The following AHNAK2 variants were observed in gnomAD, a reference collection of about 807,000 sequenced individuals.
AHNAK2 encodes the protein AHNAK nucleoprotein 2, also known as protein AHNAK2.
In AHNAK2, 18 loss-of-function variants were observed where a neutral mutation model predicts 30.7. The observed-to-expected ratio is 0.59, with a 90% CI of 0.41 to 0.87. AHNAK2 has a LOEUF of 0.87. Ranked by LOEUF, AHNAK2 falls within the 40% of genes least tolerant of loss-of-function variation. The pLI is 0.00. For synonymous variants in AHNAK2, 3,590 were observed against 3,073.8 expected (o/e 1.17, Z -5.56); for missense variants, 8,604 against 7,373.0 (o/e 1.17, Z -6.11).
chr14:104,957,415 G>A lies in AHNAK2; in HGVS notation c.208C>T (p.Leu70Phe), dbSNP rs45443208. The change falls in exon 3 of 7, where the codon CTC (leucine) becomes TTC (phenylalanine). Residue 70 changes from leucine to phenylalanine, a missense_variant. Leu to Phe is a conservative substitution (Grantham distance 22). Coordinates refer to ENST00000333244, the MANE Select transcript of AHNAK2 (RefSeq NM_138420.4). ...EYTTEAADFGLQEDAPGRQGS... is the reference protein window; with the variant it reads ...EYTTEAADFGFQEDAPGRQGS... ...GCTCTGCCCAGCAGGCTCACCTGGA[G>A]TCCAAAGTCGGCAGCCTCAGTCGTG... is the stretch of plus-strand genomic sequence containing the variant. 5 of 1,585,736 alleles carry A rather than the reference G, an allele frequency of 3.2e-6. No homozygotes were observed. The highest frequency in any genetic ancestry group is 4.3e-6 in the Non-Finnish European group (5 of 1,159,820).
In AHNAK2 at chr14:104,940,672, C is replaced by T; in HGVS notation, c.14779G>A (p.Ala4927Thr). ...CVSQGPEELV[A>T]SLQTSVVAPG... ...GCCACTACTGATGTCTGCAAGGAGG[C>T]CACAAGCTCTTCTGGGCCCTGAGAC... Residue 4927 changes from alanine (A) to threonine (T), a missense_variant, in exon 7 of 7, where the codon GCC (alanine) becomes ACC (threonine). Transcript: ENST00000333244. The surrounding 1 kb of genome is among the most constrained non-coding windows in gnomAD (Gnocchi z 4.4). 1.9e-6 allele frequency: 3 copies of T among 1,613,376 alleles called. No homozygotes were observed. In the South Asian group the frequency reaches 3.3e-5, roughly 18 times the overall value.
Position 104,946,700 on chromosome 14 carries a change from G to T in AHNAK2, c.8751C>A (p.Asp2917Glu). The change falls in exon 7 of 7, where the codon GAC (aspartate) becomes GAA (glutamate). Residue 2917 changes from aspartate (D) to glutamate (E), a missense_variant. Transcript: ENST00000333244. ...TCAGGTCCAGCTTGGGGCCCTTGAC[G>T]TCTATCTGGGGGCCCTTGAGATCCA... Reference protein sequence around the residue: ...PKVDLKGPQIDVKGPKLDLKG... With the variant: ...PKVDLKGPQIEVKGPKLDLKG... The T allele has an allele frequency of 1.2e-6, 2 of 1,609,044 alleles. No individual in the cohort carries two copies. Among genetic ancestry groups the T allele is most frequent in the South Asian group, 1.1e-5 (1 of 90,778 alleles).
Position 104,947,756 on chromosome 14 carries a change from G to T in AHNAK2, c.7695C>A (p.His2565Gln). The change falls in exon 7 of 7, where the codon CAC becomes CAA. Residue 2565 changes from histidine to glutamine, a missense_variant. Physicochemically the swap from His to Gln is conservative, Grantham distance 24. Transcript: ENST00000333244. ...AACTGGGCATCTGCACCTTGGGCAG[G>T]TGCCCTTTGAGGCCGGCTCCCTCCG... Reference protein sequence around the residue: ...PVPEGAGLKGHLPKVQMPSFK... With the variant: ...PVPEGAGLKGQLPKVQMPSFK... 1 of 1,612,792 alleles carries T rather than the reference G, an allele frequency of 6.2e-7. No homozygotes were observed. Among genetic ancestry groups the T allele is most frequent in the South Asian group, 1.1e-5 (1 of 91,046 alleles).
chr14:104,959,082 C>A (rs1014386725), intron 1 of AHNAK2, among the ~76,000 whole-genome samples: 40 of 152,216 alleles, frequency 2.6e-4, no homozygotes, highest in Admixed American at 3.9e-4. Context: ...TGCCTGTAAT[C>A]CCAGCACTTT....
chr14:104,941,582 C>G lies in AHNAK2; in HGVS notation c.13869G>C (p.Gly4623=). The change falls in exon 7 of 7, where the codon GGG becomes GGC. Residue 4623 remains glycine, a synonymous_variant. Transcript: ENST00000333244. ...TTGGTCCTTGAAACTTACTGTCTTT[C>G]CCAGCTACATCCTCGTGGGCCAGGG... The part of the protein sequence containing the change: ...DLSLAHEDVA[G]KDSKFQGPKL... 1 of 1,613,276 alleles carries G rather than the reference C, an allele frequency of 6.2e-7. No homozygotes were observed. Among genetic ancestry groups the G allele is most frequent in the Non-Finnish European group, 8.5e-7 (1 of 1,179,874 alleles).
Position 104,950,244 on chromosome 14 carries a change from C to T in AHNAK2, c.5207G>A (p.Gly1736Asp), listed in dbSNP as rs1898602658. The T allele has an allele frequency of 6.3e-7, 1 of 1,585,604 alleles. No individual in the cohort carries two copies. The highest frequency in any genetic ancestry group is 1.4e-5 in the African/African-American group (1 of 71,882). The change falls in exon 7 of 7, where the codon GGC becomes GAC. Residue 1736 changes from glycine (G) to aspartate (D), a missense_variant. Transcript: ENST00000333244. ...LPEGPLPEGA[G>D]FKGHLPKVQM... ...CACCTTGGGGAGGTGCCCTTTGAAGCCGGCTCCCTCGGGAAGGGGGCCCTC... is the reference window on the plus strand; with the variant it reads ...CACCTTGGGGAGGTGCCCTTTGAAGTCGGCTCCCTCGGGAAGGGGGCCCTC...
intron 1 of AHNAK2, among the ~76,000 whole-genome samples, chr14:104,973,726 G>C (rs74721253): frequency 6.6e-6 from 1 of 152,292 alleles, no homozygotes; most frequent in East Asian, 1.9e-4. Flanking sequence ...GAACAGCCTG[G>C]GCAATTGCCT....
chr14:104,954,292 C>T lies in AHNAK2; in HGVS notation c.1159G>A (p.Val387Met), dbSNP rs923579219. Residue 387 changes from valine to methionine, a missense_variant, in exon 7 of 7, where the codon GTG (valine) becomes ATG (methionine). By Grantham distance (21) the Val-to-Met change is conservative. Coordinates refer to ENST00000333244, the MANE Select transcript of AHNAK2 (RefSeq NM_138420.4). This position sits in a 1 kb window ranked among gnomAD's most constrained non-coding sequence, Gnocchi z 4.3. ...REERAEQDRE[V>M]MPAQSMPLPT... is the part of the protein sequence containing the mutation. ...AATGGCATGCTCTGAGCAGGCATCA[C>T]TTCTCGATCCTGTTCTGCCCTCTCC... 3 of 1,613,438 alleles carry T rather than the reference C, an allele frequency of 1.9e-6. No homozygotes were observed. Among genetic ancestry groups the T allele is most frequent in the Non-Finnish European group, 2.5e-6 (3 of 1,179,890 alleles).
At chr14:104,955,257 T>A in intron 5 of AHNAK2, 116 bp from the exon 6 acceptor site, 1 of 1,348,528 alleles carries the variant, frequency 7.4e-7, no homozygotes, top group African/African-American at 1.5e-5. Flanking sequence ...TCCCACTGAG[T>A]CTGCCCCACC....
Position 104,952,390 on chromosome 14 carries a change from C to G in AHNAK2, c.3061G>C (p.Val1021Leu), listed in dbSNP as rs1402271394. The G allele has an allele frequency of 1.2e-6, 2 of 1,612,712 alleles. No individual in the cohort carries two copies. Among genetic ancestry groups the G allele is most frequent in the African/African-American group, 2.7e-5 (2 of 74,338 alleles). ...TCCACCTTGGGTGCAGACACATCCA[C>G]CAAGGCCTTGATGGACTTCCCTGGG... ...SAPGKSIKAL[V>L]DVSAPKVEAD... Residue 1021 changes from valine (V) to leucine (L), a missense_variant, in exon 7 of 7, where the codon GTG (valine) becomes CTG (leucine). Transcript: ENST00000333244.
chr14:104,945,362 C>G lies in AHNAK2; in HGVS notation c.10089G>C (p.Val3363=), dbSNP rs781405722. ...TTDLSIQLPS[V]DLEVQAGQVD... is the part of the protein sequence containing the mutation. ...CCTGGCCAGCCTGGACCTCCAGGTC[C>G]ACAGAAGGGAGCTGAATGCTGAGGT... The change falls in exon 7 of 7, where the codon GTG becomes GTC. Residue 3363 remains valine (V), a synonymous_variant. Transcript: ENST00000333244. 2.5e-6 allele frequency: 4 copies of G among 1,609,718 alleles called. No homozygotes were observed. The African/African-American group carries it at 4.1e-5, about 16-fold the overall frequency.
chr14:104,948,128 G>C lies in AHNAK2; in HGVS notation c.7323C>G (p.Asp2441Glu). 1 of 1,607,082 alleles carries C rather than the reference G, an allele frequency of 6.2e-7. No individual in the cohort carries two copies. The highest frequency in any genetic ancestry group is 1.4e-5 in the African/African-American group (1 of 72,512). The change falls in exon 7 of 7, where the codon GAC becomes GAG. Residue 2441 changes from aspartate to glutamate, a missense_variant. Physicochemically the swap from Asp to Glu is conservative, Grantham distance 45 (BLOSUM62 2). Coordinates refer to ENST00000333244, the MANE Select transcript of AHNAK2 (RefSeq NM_138420.4). ...KGPKTDVMAP[D>E]VEVSQPSVEV... ...CCACGCTGGGCTGAGACACCTCCAC[G>C]TCGGGGGCCATCACGTCCGTCTTGG...
At chr14:104,962,250 C>T (rs904507354) in intron 1 of AHNAK2, among the ~76,000 whole-genome samples, 7 of 152,132 alleles carry the variant, frequency 4.6e-5, no homozygotes, top group Non-Finnish European at 8.8e-5. Flanking sequence ...CTGAGACAGG[C>T]CCCATGCTGG....
intron 1 of AHNAK2, among the ~76,000 whole-genome samples, chr14:104,969,505 C>CCGG (rs1159627501): frequency 5.3e-5 from 8 of 152,232 alleles, no homozygotes; most frequent in Non-Finnish European, 1.2e-4. Context: ...CTGGACACTG[C>CCGG]CGGCTCCCTG....
intron 1 of AHNAK2, 99 bp from the exon 2 acceptor site, chr14:104,957,771 C>G: frequency 8.1e-7 from 1 of 1,239,584 alleles, no homozygotes; most frequent in Non-Finnish European, 1.1e-6. Flanking sequence ...GTGGAGGTGT[C>G]ATAGTCCTTT....
rs1898640133 is a variant in AHNAK2 at position 104,950,685 on chromosome 14, A to G, written c.4766T>C (p.Val1589Ala). The change falls in exon 7 of 7, where the codon GTG becomes GCG. Residue 1589 changes from valine (V) to alanine (A), a missense_variant. By Grantham distance (64) the Val-to-Ala change is moderately conservative (BLOSUM62 0). Coordinates refer to ENST00000333244, the MANE Select transcript of AHNAK2 (RefSeq NM_138420.4). ...ATCTATCTGGGGCCCCTTGAGGTCC[A>G]CTTTGGGCATCTTGAAACTGGGCAT... ...VQMPSFKMPK[V>A]DLKGPQIDVK... The G allele has an allele frequency of 1.3e-6, 2 of 1,586,916 alleles. No individual in the cohort carries two copies. Among genetic ancestry groups the G allele is most frequent in the African/African-American group, 1.4e-5 (1 of 73,282 alleles).
rs759143517 is a variant in AHNAK2, at chr14:104,938,450, A to AT, written c.17000dup (p.Asn5667LysfsTer2). 1.2e-6 allele frequency: 2 copies of AT among 1,613,876 alleles called. No homozygotes were observed. The highest frequency in any genetic ancestry group is 4.5e-5 in the East Asian group (2 of 44,874). Reference sequence around the variant, plus strand: ...GAATGGGAGCAGATCTCTGGACGTCATTTTTGGAATCAACACCTGTCTCAT... The same window carrying AT: ...GAATGGGAGCAGATCTCTGGACGTCATTTTTTGGAATCAACACCTGTCTCAT... On this transcript the variant is annotated frameshift_variant, in exon 7 of 7. Coordinates refer to ENST00000333244, the MANE Select transcript of AHNAK2 (RefSeq NM_138420.4). LOFTEE classifies it low-confidence loss of function (END_TRUNC).
At position 104,965,415 on chromosome 14, in the gene AHNAK2, AAAAAAAG is replaced by A. The variant is rs1271336038; in HGVS notation, c.56-7750_56-7744del. On this transcript the variant is annotated intron_variant, in intron 1 of 6. Coordinates refer to ENST00000333244, the MANE Select transcript of AHNAK2 (RefSeq NM_138420.4). ...AAACTCTGTCTCAAAAAAAAAAAAAAAAAAAAGAAAAGAAAAGAAAAGAAAAAATCAA... is the reference window on the plus strand; with the variant it reads ...AAACTCTGTCTCAAAAAAAAAAAAAAAAAAGAAAAGAAAAGAAAAAATCAA... Among the ~76,000 whole-genome samples, 51 of 151,580 alleles carry A rather than the reference AAAAAAAG, an allele frequency of 3.4e-4. 1 individual carries two copies. Among genetic ancestry groups the A allele is most frequent in the Admixed American group, 1.6e-3 (24 of 15,238 alleles).
In AHNAK2 at chr14:104,948,124, C is replaced by A. The variant is rs200781097; in HGVS notation, c.7327G>T (p.Glu2443Ter). ...ACCTCCACGCTGGGCTGAGACACCT[C>A]CACGTCGGGGGCCATCACGTCCGTC... ...PKTDVMAPDV[E>*]VSQPSVEVDV... The change falls in exon 7 of 7, where the codon GAG becomes TAG. Residue 2443 changes from glutamate (E) to a stop codon, truncating the protein, a stop_gained. Coordinates refer to ENST00000333244, the MANE Select transcript of AHNAK2 (RefSeq NM_138420.4). LOFTEE classifies it low-confidence loss of function (END_TRUNC). 1 of 1,612,626 alleles carries A rather than the reference C, an allele frequency of 6.2e-7. No individual in the cohort carries two copies. The highest frequency in any genetic ancestry group is 1.7e-5 in the Admixed American group (1 of 59,926).
Sources: gnomAD v4.1 joint callset for allele counts (sites outside exome capture counted in the v4.1 genomes callset) on GRCh38, gnomAD v4.1.1 for gene constraint, Gnocchi (gnomAD v3.1) non-coding constraint, MANE v1.5 for transcripts, NCBI Gene and HGNC (gene_info 2026-07-23, HGNC 2026-07-21) for gene names.